Variants in BMPR1B observed in about 807,000 individuals in gnomAD.
BMPR1B encodes the protein bone morphogenetic protein receptor type 1B, also known as bone morphogenetic protein receptor type-1B.
A neutral mutation model predicts 59.1 loss-of-function variants in BMPR1B; 12 were observed. The ratio of observed to expected loss-of-function variants is 0.20; its 90% CI spans 0.13 to 0.33. BMPR1B has a LOEUF of 0.33. BMPR1B is among the 10% of genes least tolerant of loss of function. BMPR1B has a pLI of 1.00. For synonymous variants in BMPR1B, 237 were observed against 207.3 expected, an observed-to-expected ratio of 1.14 and a Z score of -1.23; for missense variants, 550 against 610.9, an observed-to-expected ratio of 0.90 and a Z score of 1.05.
intron 2 of BMPR1B, among the ~76,000 whole-genome samples, chr4:94,986,212 G>A (rs1275855893): frequency 6.6e-6 from 1 of 152,002 alleles, no homozygotes; most frequent in African/African-American, 2.4e-5. Context: ...ATTGGGTCAT[G>A]AAAAAAAGTT....
chr4:94,762,628 A>G (rs1393617205), intron 1 of BMPR1B, among the ~76,000 whole-genome samples: 1 of 152,200 alleles, frequency 6.6e-6, no homozygotes, highest in Non-Finnish European at 1.5e-5. Context: ...TATTCAAAGT[A>G]CATTCTGTTG....
intron 1 of BMPR1B, among the ~76,000 whole-genome samples, chr4:94,863,261 G>A (rs555489804): frequency 5.2e-4 from 79 of 152,136 alleles, no homozygotes; most frequent in Non-Finnish European, 1.0e-3. Context: ...GAAATAAAAC[G>A]TACACCAAAC....
chr4:95,103,582 G>A, intron 3 of BMPR1B: 2 of 733,752 alleles, frequency 2.7e-6, no homozygotes, highest in Non-Finnish European at 3.3e-6. Context: ...CATGAGGTTT[G>A]GTGTCTATAA....
At chr4:95,031,646 C>G (rs1463574099) in intron 3 of BMPR1B, among the ~76,000 whole-genome samples, 1 of 152,038 alleles carries the variant, frequency 6.6e-6, no homozygotes, top group Non-Finnish European at 1.5e-5. Flanking sequence ...TTTTAAGAAG[C>G]TACTGTGACT....
At chr4:94,919,633 T>C (rs1274379121) in intron 2 of BMPR1B, among the ~76,000 whole-genome samples, 1 of 152,160 alleles carries the variant, frequency 6.6e-6, no homozygotes. Context: ...ATCTGTCTTT[T>C]CTTCTCATAC....
At chr4:94,874,921 A>T (rs1334983891) in intron 1 of BMPR1B, among the ~76,000 whole-genome samples, 3 of 152,138 alleles carry the variant, frequency 2.0e-5, no homozygotes, top group Admixed American at 2.0e-4. Context: ...TGAACCCGGG[A>T]GGCAGAGCTT....
chr4:94,993,453 A>C (rs1033975252), intron 2 of BMPR1B, among the ~76,000 whole-genome samples: 2 of 152,054 alleles, frequency 1.3e-5, no homozygotes, highest in South Asian at 2.1e-4. Context: ...TAATGCATTA[A>C]ATTTGTATTG....
chr4:94,988,776 C>T (rs1334941634), intron 2 of BMPR1B, among the ~76,000 whole-genome samples: 1 of 151,660 alleles, frequency 6.6e-6, no homozygotes, highest in Admixed American at 6.6e-5. Context: ...TACTTGAGAA[C>T]AAAGAACCTT....
chr4:94,870,845 C>T (rs1275747503), intron 1 of BMPR1B, among the ~76,000 whole-genome samples: 1 of 152,124 alleles, frequency 6.6e-6, no homozygotes, highest in Non-Finnish European at 1.5e-5. Flanking sequence ...GAGTTTCCCA[C>T]ATTAACGTTG....
chr4:94,857,642 G>A (rs1725811308), intron 1 of BMPR1B, among the ~76,000 whole-genome samples: 1 of 152,162 alleles, frequency 6.6e-6, no homozygotes, highest in Admixed American at 6.5e-5. Flanking sequence ...AATTTGGGAA[G>A]CTGCTTGCTA....
At chr4:94,829,163 G>A (rs982242926) in intron 1 of BMPR1B, among the ~76,000 whole-genome samples, 4 of 152,094 alleles carry the variant, frequency 2.6e-5, no homozygotes, top group Non-Finnish European at 4.4e-5. Flanking sequence ...TTATGCTTCT[G>A]TGAGTTAAAG....
At chr4:95,110,129 T>C (rs1014527843) in intron 4 of BMPR1B, among the ~76,000 whole-genome samples, 1 of 151,884 alleles carries the variant, frequency 6.6e-6, no homozygotes, top group South Asian at 2.1e-4. Flanking sequence ...GAGAGAACTC[T>C]TGAAGATTTT....
intron 1 of BMPR1B, among the ~76,000 whole-genome samples, chr4:94,832,218 A>G (rs1238981203): frequency 6.6e-6 from 1 of 152,242 alleles, no homozygotes; most frequent in African/African-American, 2.4e-5. Flanking sequence ...TATTTAGTAC[A>G]GAGAAATGGT....
At chr4:94,927,367 T>C (rs1372809132) in intron 2 of BMPR1B, among the ~76,000 whole-genome samples, 2 of 152,056 alleles carry the variant, frequency 1.3e-5, no homozygotes, top group Non-Finnish European at 2.9e-5. Flanking sequence ...ATAAACAATA[T>C]TCAAAATGAA....
At chr4:94,860,133 A>C (rs1322130882) in intron 1 of BMPR1B, among the ~76,000 whole-genome samples, 1 of 152,188 alleles carries the variant, frequency 6.6e-6, no homozygotes, top group Admixed American at 6.5e-5. Flanking sequence ...GAATTACTAC[A>C]GATGATGTGA....
intron 1 of BMPR1B, among the ~76,000 whole-genome samples, chr4:94,841,651 C>T (rs575967657): frequency 1.1e-4 from 17 of 152,168 alleles, no homozygotes; most frequent in African/African-American, 1.9e-4. Context: ...CACTGATCTG[C>T]GCCCACTGGC....
chr4:94,854,567 T>G (rs1367120804), intron 1 of BMPR1B, among the ~76,000 whole-genome samples: 1 of 152,198 alleles, frequency 6.6e-6, no homozygotes, highest in Non-Finnish European at 1.5e-5. Context: ...TTAAAATCTT[T>G]GATAAATACT....
intron 2 of BMPR1B, among the ~76,000 whole-genome samples, chr4:94,954,933 C>T (rs895570363): frequency 2.6e-5 from 4 of 152,126 alleles, no homozygotes; most frequent in African/African-American, 9.7e-5. Flanking sequence ...TTATATAAGA[C>T]TTACCCTTCA....
At chr4:94,804,097 C>T (rs1723514936) in intron 1 of BMPR1B, among the ~76,000 whole-genome samples, 1 of 152,140 alleles carries the variant, frequency 6.6e-6, no homozygotes. Context: ...CCAGGATGGT[C>T]TCAATCTCCT....
Sources: allele counts gnomAD v4.1 joint callset (sites outside exome capture counted in the v4.1 genomes callset), GRCh38; gene constraint gnomAD v4.1.1; transcripts MANE v1.5; gene names NCBI Gene and HGNC (gene_info 2026-07-23, HGNC 2026-07-21).